ABCA1: variants seen among roughly 807,000 people sequenced by gnomAD.
The protein encoded by ABCA1 is ATP binding cassette subfamily A member 1, also known as phospholipid-transporting ATPase ABCA1.
A neutral mutation model predicts 262.5 loss-of-function variants in ABCA1; 133 were observed. That is an observed-to-expected ratio of 0.51 (90% CI 0.44 to 0.59). ABCA1 has a LOEUF of 0.59. ABCA1 is among the 20% of genes least tolerant of loss of function. The probability of loss-of-function intolerance (pLI) is 0.00; values close to 1 mark genes in which losing one functional copy is unlikely to be tolerated. For missense variants in ABCA1, 2,452 were observed against 2,777.5 expected, an observed-to-expected ratio of 0.88 and a Z score of 2.63; for synonymous variants, 1,022 against 1,043.5, an observed-to-expected ratio of 0.98 and a Z score of 0.40.
In ABCA1 at chr9:104,826,981, C is replaced by T; in HGVS notation, c.2304G>A (p.Gln768=). 6.2e-7 allele frequency: 1 copy of T among 1,614,150 alleles called. No homozygotes were observed. The highest frequency in any genetic ancestry group is 1.1e-5 in the South Asian group (1 of 91,080). ...TCTTGAGTGTGAAGCCCACGTAGTC[C>T]TGCCATGCCACACACAGGACGTAGG... is the stretch of plus-strand genomic sequence containing the variant. ...YLPYVLCVAW[Q]DYVGFTLKIF... is the part of the protein sequence containing the mutation. Residue 768 remains glutamine (Q), a synonymous_variant, in exon 16 of 50, where the codon CAG becomes CAA. Transcript: ENST00000374736.
At position 104,906,476 on chromosome 9, in the gene ABCA1, G is replaced by T. The variant is rs1410719095; in HGVS notation, c.-92-2705C>A. Reference sequence around the variant, plus strand: ...GGAAGCACATGGAGAAGGTTGCTAAGAAGTAGCATAGAGCCACAGTAGAAA... The same window carrying T: ...GGAAGCACATGGAGAAGGTTGCTAATAAGTAGCATAGAGCCACAGTAGAAA... On this transcript the variant is annotated intron_variant, in intron 1 of 49. Transcript: ENST00000374736. 2.6e-5 allele frequency among the ~76,000 whole-genome samples: 4 copies of T among 152,126 alleles called. No individual in the cohort carries two copies. In the East Asian group the frequency reaches 7.7e-4, roughly 29 times the overall value.
chr9:104,819,395 G>C, intron 22 of ABCA1, among the ~76,000 whole-genome samples, 191 bp downstream of exon 22: 1 of 152,100 alleles, frequency 6.6e-6, no homozygotes. Context: ...CCATGTTGGG[G>C]ACAAAAAGAT....
intron 5 of ABCA1, among the ~76,000 whole-genome samples, chr9:104,880,984 A>G (rs922033088): frequency 2.6e-5 from 4 of 152,082 alleles, no homozygotes; most frequent in African/African-American, 9.7e-5. Context: ...TCTCATCTCT[A>G]CTAAAAATAC....
At chr9:104,798,233 G>A (rs1343301424) in intron 37 of ABCA1, among the ~76,000 whole-genome samples, 188 bp downstream of exon 37, 1 of 152,212 alleles carries the variant, frequency 6.6e-6, no homozygotes, top group Non-Finnish European at 1.5e-5. Context: ...GGTGTGACAT[G>A]AACTCTGGTA....
intron 44 of ABCA1, 88 bp from the exon 45 acceptor site, chr9:104,788,655 C>G (rs1244521840): frequency 6.8e-7 from 1 of 1,476,696 alleles, no homozygotes; most frequent in Non-Finnish European, 9.4e-7. Flanking sequence ...GTAAAGTATG[C>G]TTCTCCATTA....
intron 1 of ABCA1, among the ~76,000 whole-genome samples, chr9:104,909,639 C>T (rs1841379232): frequency 6.6e-6 from 1 of 150,888 alleles, no homozygotes; most frequent in Non-Finnish European, 1.5e-5. Context: ...CACACACACA[C>T]ACACACACAC....
intron 5 of ABCA1, among the ~76,000 whole-genome samples, chr9:104,880,709 T>TA (rs932003041): frequency 3.9e-5 from 6 of 152,172 alleles, no homozygotes; most frequent in African/African-American, 1.4e-4. Flanking sequence ...AAAGGGGACA[T>TA]ACTGCGTGAA....
chr9:104,812,531 C>T (rs1831371434), intron 28 of ABCA1, 43 bp downstream of exon 28: 1 of 1,613,144 alleles, frequency 6.2e-7, no homozygotes, highest in South Asian at 1.1e-5. Context: ...GCCTGCAGCC[C>T]ACCCATGAAG....
intron 1 of ABCA1, among the ~76,000 whole-genome samples, chr9:104,912,610 T>C (rs1185966822): frequency 2.0e-5 from 3 of 152,162 alleles, no homozygotes; most frequent in Admixed American, 6.5e-5. Context: ...TTCATCACTA[T>C]AGAACTACGA....
chr9:104,799,514 CAAACTGATT>C (rs1830160655), intron 36 of ABCA1: 1 of 983,148 alleles, frequency 1.0e-6, no homozygotes, highest in South Asian at 4.7e-5. Context: ...TTAAACAAAT[CAAACTGATT>C]AAACACTTAT....
intron 5 of ABCA1, among the ~76,000 whole-genome samples, chr9:104,873,224 G>C (rs1256101938): frequency 6.6e-6 from 1 of 152,232 alleles, no homozygotes. Context: ...TTTCCATTTT[G>C]ATGACATAAT....
chr9:104,871,648 A>C (rs767246040), intron 5 of ABCA1, among the ~76,000 whole-genome samples: 1 of 152,206 alleles, frequency 6.6e-6, no homozygotes, highest in Non-Finnish European at 1.5e-5. Flanking sequence ...AAAAGCAAGA[A>C]GATAGCTGAG....
chr9:104,896,082 C>T (rs1159763996), intron 2 of ABCA1, among the ~76,000 whole-genome samples: 1 of 152,096 alleles, frequency 6.6e-6, no homozygotes, highest in African/African-American at 2.4e-5. Context: ...ATGAAAATAT[C>T]CTTTCTGTTT....
At chr9:104,839,670 T>C (rs573384007) in intron 9 of ABCA1, among the ~76,000 whole-genome samples, 1 of 151,792 alleles carries the variant, frequency 6.6e-6, no homozygotes, top group African/African-American at 2.4e-5. Context: ...CAAATAAAAA[T>C]TGTATATATT....
At chr9:104,855,907 CA>C (rs772393553) in intron 7 of ABCA1, 55 of 1,612,750 alleles carry the variant, frequency 3.4e-5, no homozygotes, top group Admixed American at 5.0e-5. Context: ...CACGCACACA[CA>C]AAAGGAGAAA....
At chr9:104,848,587 C>A (rs1835102800) in intron 7 of ABCA1, among the ~76,000 whole-genome samples, 1 of 151,340 alleles carries the variant, frequency 6.6e-6, no homozygotes, top group African/African-American at 2.4e-5. Context: ...TACACTCCAG[C>A]CTGGGCATCA....
intron 36 of ABCA1, 70 bp from the exon 37 acceptor site, chr9:104,798,668 G>A: frequency 7.2e-7 from 1 of 1,384,136 alleles, no homozygotes; most frequent in African/African-American, 1.4e-5. Flanking sequence ...GTGAGGACAT[G>A]GACACACAGA....
Position 104,793,235 on chromosome 9 carries a change from C to T in ABCA1, c.5572G>A (p.Val1858Met), listed in dbSNP as rs150801208. The T allele has an allele frequency of 9.3e-6, 15 of 1,613,998 alleles. No homozygotes were observed. The highest frequency in any genetic ancestry group is 4.0e-5 in the African/African-American group (3 of 74,904). Residue 1858 changes from valine to methionine, a missense_variant, in exon 41 of 50, where the codon GTG (valine) becomes ATG (methionine). Around this residue, in one of 4 missense-constraint regions of ABCA1, gnomAD observed 752 missense variants for 944.5 expected, o/e 0.80. Transcript: ENST00000374736. ...LVGRNLFAMAVEGVVFFLITV... is the reference protein window; with the variant it reads ...LVGRNLFAMAMEGVVFFLITV... ...ATGAGGAAGAACACCACCCCTTCCA[C>T]GGCCATGGCGAAGAGGTTTCGTCCC...
At chr9:104,818,534 A>T in intron 23 of ABCA1, 129 bp downstream of exon 23, 1 of 880,808 alleles carries the variant, frequency 1.1e-6, no homozygotes, top group Non-Finnish European at 1.9e-6. Flanking sequence ...ATGATTTCAA[A>T]GGGGCAACAG....
Sources: allele counts gnomAD v4.1 joint callset (sites outside exome capture counted in the v4.1 genomes callset), GRCh38; gene constraint gnomAD v4.1.1; regional missense constraint gnomAD v4.1.1; transcripts MANE v1.5; gene names NCBI Gene and HGNC (gene_info 2026-07-23, HGNC 2026-07-21).